The following USP48 variants were observed in gnomAD, a reference collection of about 807,000 sequenced individuals.
USP48 encodes ubiquitin specific peptidase 48, also known as ubiquitin carboxyl-terminal hydrolase 48.
A neutral mutation model predicts 150.7 loss-of-function variants in USP48; 43 were observed. That is an observed-to-expected ratio of 0.29 (90% CI 0.22 to 0.37). The LOEUF (loss-of-function observed/expected upper bound fraction) is 0.37, where lower values mean the gene tolerates loss of function less well. Among genes scored for constraint, USP48 ranks in the 10% least tolerant of loss-of-function variants. The probability of loss-of-function intolerance (pLI) is 1.00; values close to 1 mark genes in which losing one functional copy is unlikely to be tolerated. For missense variants in USP48, 813 were observed against 1,249.6 expected, an observed-to-expected ratio of 0.65 and a Z score of 5.27; for synonymous variants, 396 against 425.9, an observed-to-expected ratio of 0.93 and a Z score of 0.86.
chr1:21,694,531 C>T (rs1335786934), intron 23 of USP48, among the ~76,000 whole-genome samples: 14 of 123,192 alleles, frequency 1.1e-4, no homozygotes, highest in Non-Finnish European at 1.9e-4. Flanking sequence ...GATGGCACCA[C>T]TGCACTCCAG....
chr1:21,777,460 T>C (rs1310915204), intron 1 of USP48, among the ~76,000 whole-genome samples: 2 of 151,784 alleles, frequency 1.3e-5, no homozygotes, highest in Non-Finnish European at 2.9e-5. Flanking sequence ...AGGCTAAAGG[T>C]TCAAGGTCAG....
At chr1:21,776,806 T>C (rs1166981381) in intron 1 of USP48, among the ~76,000 whole-genome samples, 1 of 151,844 alleles carries the variant, frequency 6.6e-6, no homozygotes, top group Non-Finnish European at 1.5e-5. Flanking sequence ...ATACAAAAAT[T>C]AGCCGGGCGT....
intron 12 of USP48, among the ~76,000 whole-genome samples, chr1:21,722,037 A>C (rs533629349): frequency 6.6e-6 from 1 of 152,294 alleles, no homozygotes; most frequent in South Asian, 2.1e-4. Context: ...GTTTACATGC[A>C]ATCTTTACAA....
intron 26 of USP48, 132 bp from the exon 27 acceptor site, chr1:21,679,571 T>C: frequency 1.8e-6 from 2 of 1,133,832 alleles, no homozygotes; most frequent in South Asian, 1.3e-5. Context: ...CACCTTGGTG[T>C]GGGAGGATAA....
intron 9 of USP48, chr1:21,732,533 G>A (rs2097759467): frequency 6.0e-6 from 1 of 165,588 alleles, no homozygotes; most frequent in African/African-American, 2.4e-5. Context: ...AAATTTTACT[G>A]TTTAATAAAA....
At chr1:21,705,106 T>C (rs1156654362) in intron 19 of USP48, among the ~76,000 whole-genome samples, 1 of 152,134 alleles carries the variant, frequency 6.6e-6, no homozygotes, top group Non-Finnish European at 1.5e-5. Context: ...AGTACTGAAA[T>C]ATGAATAATA....
chr1:21,761,555 T>A (rs1199277745), intron 1 of USP48, among the ~76,000 whole-genome samples: 1 of 152,218 alleles, frequency 6.6e-6, no homozygotes, highest in Non-Finnish European at 1.5e-5. Context: ...AATAAGTAAA[T>A]AATTGTTTTA....
intron 1 of USP48, among the ~76,000 whole-genome samples, chr1:21,768,794 CGTTTTG>C (rs1467670019): frequency 1.3e-5 from 2 of 151,728 alleles, no homozygotes; most frequent in East Asian, 1.9e-4. Context: ...AAAACAGTAT[CGTTTTG>C]GTTTTGGTTT....
chr1:21,771,383 T>C (rs185537577), intron 1 of USP48, among the ~76,000 whole-genome samples: 1 of 127,200 alleles, frequency 7.9e-6, no homozygotes, highest in Admixed American at 7.5e-5. Flanking sequence ...CAAAAAAAAA[T>C]AAATTATTAT....
rs1056450261 is a variant in USP48, at chr1:21,763,267, A to C, written c.135-5484T>G. Among the ~76,000 whole-genome samples the C allele has an allele frequency of 1.1e-4, 16 of 152,304 alleles. No individual in the cohort carries two copies. In the East Asian group the frequency reaches 1.2e-3, roughly 11 times the overall value. On this transcript the variant is annotated intron_variant, in intron 1 of 26. Coordinates refer to ENST00000308271, the MANE Select transcript of USP48 (RefSeq NM_032236.8). The stretch of plus-strand genomic sequence containing the variant: ...CTGAATACGTCTTCAGTCGGCTAGA[A>C]CACCACCACAGCAGAATGCCAAGTG...
chr1:21,682,887 AAAG>A (rs2097570357), intron 25 of USP48, among the ~76,000 whole-genome samples: 1 of 151,842 alleles, frequency 6.6e-6, no homozygotes, highest in South Asian at 2.1e-4. Flanking sequence ...AAAAAAAAAA[AAAG>A]ATGTCTGAAA....
At chr1:21,757,102 C>CTA (rs2097838316) in intron 2 of USP48, 2 of 741,328 alleles carry the variant, frequency 2.7e-6, no homozygotes, top group Non-Finnish European at 3.3e-6. Flanking sequence ...CCTTTATATT[C>CTA]TAGAGATTTT....
intron 1 of USP48, among the ~76,000 whole-genome samples, chr1:21,761,154 GTTTT>G (rs1169806063): frequency 6.6e-6 from 1 of 152,032 alleles, no homozygotes; most frequent in Non-Finnish European, 1.5e-5. Context: ...ATGTTGCCAT[GTTTT>G]TTATTTACAA....
intron 6 of USP48, among the ~76,000 whole-genome samples, chr1:21,749,048 A>G (rs1231725835): frequency 6.6e-6 from 1 of 152,240 alleles, no homozygotes; most frequent in Non-Finnish European, 1.5e-5. Context: ...AGACGTGTAG[A>G]AAAATCAAAC....
Position 21,715,378 on chromosome 1 carries a change from T to C in USP48, c.1963+11A>G, listed in dbSNP as rs772861674. ...ACAATAAAACAGAATTCATTTATGC[T>C]TCTAGCTTACCATGTGGACACAGAA... On this transcript the variant is annotated intron_variant, in intron 15 of 26. Transcript: ENST00000308271. 6.3e-7 allele frequency: 1 copy of C among 1,579,986 alleles called. No individual in the cohort carries two copies. The highest frequency in any genetic ancestry group is 8.7e-7 in the Non-Finnish European group (1 of 1,155,000).
chr1:21,711,253 G>T (rs1012706203), intron 15 of USP48, among the ~76,000 whole-genome samples: 5 of 152,170 alleles, frequency 3.3e-5, no homozygotes, highest in African/African-American at 9.7e-5. Context: ...CTACACTGCA[G>T]TACTGTCCCA....
chr1:21,682,962 A>T (rs1461897328), intron 25 of USP48, among the ~76,000 whole-genome samples: 1 of 151,844 alleles, frequency 6.6e-6, no homozygotes, highest in East Asian at 1.9e-4. Context: ...AACCAGCTTT[A>T]AAAAAAATAC....
At chr1:21,780,491 T>G (rs1391542525) in intron 1 of USP48, among the ~76,000 whole-genome samples, 1 of 152,140 alleles carries the variant, frequency 6.6e-6, no homozygotes, top group Non-Finnish European at 1.5e-5. Context: ...TACAACACTA[T>G]AAAGGTACTG....
At chr1:21,741,258 G>A (rs748886462) in intron 8 of USP48, among the ~76,000 whole-genome samples, 2 of 152,182 alleles carry the variant, frequency 1.3e-5, no homozygotes, top group South Asian at 4.1e-4. Flanking sequence ...CAGTGACACT[G>A]CAAGATACCA....
Sources: gnomAD v4.1 joint callset for allele counts (sites outside exome capture counted in the v4.1 genomes callset) on GRCh38, gnomAD v4.1.1 for gene constraint, MANE v1.5 for transcripts, NCBI Gene and HGNC (gene_info 2026-07-23, HGNC 2026-07-21) for gene names.